SASH1: variants seen among roughly 807,000 people sequenced by gnomAD.
The protein encoded by SASH1 is SAM and SH3 domain-containing protein 1.
SASH1 carries 44 observed loss-of-function variants against 125.2 expected under a neutral mutation model. The ratio of observed to expected loss-of-function variants is 0.35; its 90% CI spans 0.28 to 0.45. SASH1 has a LOEUF of 0.45. SASH1 is among the 20% of genes least tolerant of loss of function. The probability of loss-of-function intolerance (pLI) is 1.00; values close to 1 mark genes in which losing one functional copy is unlikely to be tolerated. For missense variants in SASH1, 1,426 were observed against 1,614.5 expected, an observed-to-expected ratio of 0.88 and a Z score of 2.00; for synonymous variants, 639 against 649.1, an observed-to-expected ratio of 0.98 and a Z score of 0.24.
chr6:148,272,745 T>A (rs1779093077), intron 1 of SASH1, among the ~76,000 whole-genome samples: 1 of 152,212 alleles, frequency 6.6e-6, no homozygotes, highest in East Asian at 1.9e-4. Flanking sequence ...AAAACTTTTT[T>A]AAAGATTTGC....
chr6:148,209,251 A>G, the SASH1 span, among the ~76,000 whole-genome samples: 1 of 152,216 alleles, frequency 6.6e-6, no homozygotes, highest in African/African-American at 2.4e-5. Context: ...TCCGTAATAC[A>G]CCTTCATCAT....
intron 1 of SASH1, among the ~76,000 whole-genome samples, chr6:148,372,343 G>A (rs1265944911): frequency 1.3e-5 from 2 of 152,330 alleles, no homozygotes; most frequent in Non-Finnish European, 1.5e-5. Flanking sequence ...CGTGCCAGAT[G>A]TTAGAACTGA....
intron 1 of SASH1, among the ~76,000 whole-genome samples, chr6:148,296,124 GTTT>G (rs1187866888): frequency 1.7e-5 from 2 of 114,854 alleles, no homozygotes; most frequent in Non-Finnish European, 3.7e-5. Flanking sequence ...TGTTGTTTTT[GTTT>G]TTGTTGTTGT....
chr6:148,508,953 C>T (rs901247756), intron 8 of SASH1: 2 of 707,746 alleles, frequency 2.8e-6, no homozygotes, highest in Non-Finnish European at 4.4e-6. Context: ...TTTGCTGCTC[C>T]TGCCTATGAT....
chr6:148,531,258 T>C (rs1781496453), intron 12 of SASH1, among the ~76,000 whole-genome samples: 1 of 150,010 alleles, frequency 6.7e-6, no homozygotes, highest in Non-Finnish European at 1.5e-5. Context: ...GTCTGTGTGG[T>C]AGACAGATTT....
rs200708826 is a variant in SASH1 at position 148,482,688 on chromosome 6, A to AT, written c.628-4908dup. On this transcript the variant is annotated intron_variant, in intron 7 of 19. Transcript: ENST00000367467. ...AGGCATGTGCCACCACACCTGGCTA[A>AT]TTTTTTTTTTTTTTTTTTGAGAGAG... 1.4e-3 allele frequency among the ~76,000 whole-genome samples: 139 copies of AT among 99,922 alleles called. 5 individuals carry two copies. The highest frequency in any genetic ancestry group is 1.5e-3 in the South Asian group (5 of 3,236). 65.6% of individuals were successfully genotyped at this position (99,922 alleles called of 152,430 possible).
At chr6:148,398,079 A>G (rs1015976794) in intron 2 of SASH1, among the ~76,000 whole-genome samples, 10 of 152,164 alleles carry the variant, frequency 6.6e-5, no homozygotes, top group African/African-American at 2.4e-4. Flanking sequence ...GAGACGTCAC[A>G]GTTTCATCCA....
At position 148,302,311 on chromosome 6, in the gene SASH1, CAAAAAAAAAAA is replaced by C. The variant is rs1174644909; in HGVS notation, n.74+29954_74+29964del. On this transcript the variant is annotated intron_variant and non_coding_transcript_variant, in intron 1 of 3. Transcript: ENST00000367469. The stretch of plus-strand genomic sequence containing the variant: ...TGGGCGACAGAGCAAGACTCCGTCT[CAAAAAAAAAAA>C]AAAAAAAAAAAAAAAAAAACTAGTA... 1.2e-3 allele frequency among the ~76,000 whole-genome samples: 53 copies of C among 44,888 alleles called. 2 individuals are homozygous for C. The highest frequency in any genetic ancestry group is 6.2e-3 in the East Asian group (3 of 484). 29.4% of individuals were successfully genotyped at this position (44,888 alleles called of 152,430 possible). A position where few individuals can be genotyped will look rare whatever the true frequency, so the allele number is the denominator to read the frequency against.
At position 148,534,739 on chromosome 6, in the gene SASH1, T is replaced by A. The variant is rs1286828726; in HGVS notation, c.1945-12T>A. On this transcript the variant is annotated splice_polypyrimidine_tract_variant and intron_variant, in intron 15 of 19. Transcript: ENST00000367467. ...GGCTGACACCCTTCTGTCTTCCTTC[T>A]CCCTCTCACAGGAGCACATGCCCAC... 6.2e-7 allele frequency: 1 copy of A among 1,614,088 alleles called. No homozygotes were observed. The highest frequency in any genetic ancestry group is 8.5e-7 in the Non-Finnish European group (1 of 1,179,974).
intron 4 of SASH1, among the ~76,000 whole-genome samples, chr6:148,444,606 G>A (rs971967908): frequency 6.6e-6 from 1 of 152,180 alleles, no homozygotes; most frequent in Non-Finnish European, 1.5e-5. Context: ...CTCTCCATAT[G>A]CTTTCACTGG....
intron 1 of SASH1, among the ~76,000 whole-genome samples, chr6:148,352,680 G>A (rs1013791816): frequency 6.6e-6 from 1 of 151,836 alleles, no homozygotes; most frequent in African/African-American, 2.4e-5. Flanking sequence ...GTTCATAAAT[G>A]TGAGTTATTG....
chr6:148,258,248 G>A, the SASH1 span, among the ~76,000 whole-genome samples: 1 of 152,136 alleles, frequency 6.6e-6, no homozygotes, highest in African/African-American at 2.4e-5. Context: ...ATACCGTCTT[G>A]CTTGTGCTAG....
the SASH1 span, among the ~76,000 whole-genome samples, chr6:148,231,068 G>T: frequency 6.6e-6 from 1 of 152,076 alleles, no homozygotes; most frequent in African/African-American, 2.4e-5. Flanking sequence ...AGATCATGAA[G>T]GTTTACTTCT....
At chr6:148,515,762 G>A (rs1394652224) in intron 9 of SASH1, among the ~76,000 whole-genome samples, 1 of 152,160 alleles carries the variant, frequency 6.6e-6, no homozygotes, top group Non-Finnish European at 1.5e-5. Context: ...TCACAGACAG[G>A]GTCAGTTGGT....
chr6:148,449,087 T>TTCTTTTTC (rs1583178415), intron 4 of SASH1, among the ~76,000 whole-genome samples: 1 of 142,958 alleles, frequency 7.0e-6, no homozygotes, highest in African/African-American at 2.6e-5. Flanking sequence ...TCTTTTTTTT[T>TTCTTTTTC]TTTTTTGGAG....
intron 1 of SASH1, among the ~76,000 whole-genome samples, chr6:148,347,168 GC>G (rs1471916975): frequency 6.6e-6 from 1 of 152,088 alleles, no homozygotes; most frequent in Non-Finnish European, 1.5e-5. Context: ...TTCAGCTTCT[GC>G]CTACAGGATT....
chr6:148,444,471 C>A (rs1776692509), intron 4 of SASH1, among the ~76,000 whole-genome samples: 1 of 152,100 alleles, frequency 6.6e-6, no homozygotes, highest in South Asian at 2.1e-4. Context: ...CCTGCATATA[C>A]AAGAGGTGGG....
chr6:148,508,532 C>A, intron 8 of SASH1: 3 of 1,032,234 alleles, frequency 2.9e-6, no homozygotes, highest in Non-Finnish European at 3.5e-6. Flanking sequence ...ATGCACAACA[C>A]TCCCTTTTTT....
At chr6:148,446,765 A>G (rs1776814815) in intron 4 of SASH1, among the ~76,000 whole-genome samples, 1 of 152,240 alleles carries the variant, frequency 6.6e-6, no homozygotes, top group Non-Finnish European at 1.5e-5. Flanking sequence ...ACTTAATACA[A>G]AAATCCTACG....
Sources: allele counts gnomAD v4.1 joint callset (sites outside exome capture counted in the v4.1 genomes callset), GRCh38; gene constraint gnomAD v4.1.1; transcripts MANE v1.5; gene names NCBI Gene and HGNC (gene_info 2026-07-23, HGNC 2026-07-21).